Variants in PLEKHH2 observed in about 807,000 individuals in gnomAD.
PLEKHH2 encodes pleckstrin homology domain-containing family H member 2.
In PLEKHH2, 129 loss-of-function variants were observed where a neutral mutation model predicts 187.9. The ratio of observed to expected loss-of-function variants is 0.69; its 90% CI spans 0.59 to 0.79. PLEKHH2 has a LOEUF of 0.79. PLEKHH2 is among the 30% of genes least tolerant of loss of function. The probability of loss-of-function intolerance (pLI) is 0.00; values close to 1 mark genes in which losing one functional copy is unlikely to be tolerated. For missense variants in PLEKHH2, 2,076 were observed against 1,751.2 expected (o/e 1.19, Z -3.31); for synonymous variants, 686 against 605.6 (o/e 1.13, Z -1.95).
chr2:43,719,429 T>G (rs568825541), intron 15 of PLEKHH2, among the ~76,000 whole-genome samples: 1 of 152,234 alleles, frequency 6.6e-6, no homozygotes, highest in South Asian at 2.1e-4. Context: ...ATTCTTCAGG[T>G]TTTCATCTTC....
chr2:43,746,275 G>A (rs1388858168), intron 24 of PLEKHH2, among the ~76,000 whole-genome samples: 1 of 152,160 alleles, frequency 6.6e-6, no homozygotes, highest in Admixed American at 6.5e-5. Context: ...AGGCCAAGGT[G>A]GGCAGATCAC....
At chr2:43,656,363 A>G (rs772486487) in intron 2 of PLEKHH2, among the ~76,000 whole-genome samples, 7 of 152,232 alleles carry the variant, frequency 4.6e-5, no homozygotes, top group Non-Finnish European at 7.3e-5. Flanking sequence ...ATGGAAAGTT[A>G]GGAAAAGCTC....
chr2:43,710,141 T>C lies in PLEKHH2; in HGVS notation c.2103+15T>C, dbSNP rs1206867910. The C allele has an allele frequency of 2.5e-6, 4 of 1,610,360 alleles. No individual in the cohort carries two copies. Among genetic ancestry groups the C allele is most frequent in the Middle Eastern group, 3.3e-4 (2 of 6,028 alleles). On this transcript the variant is annotated intron_variant, in intron 12 of 29. Transcript: ENST00000282406. ...ATGGGAAAAATGTAAATATTGAATA[T>C]GATTTTTAAAAAGCAGTCAGTCAGA... is the stretch of plus-strand genomic sequence containing the variant.
At chr2:43,732,380 C>G (rs1249862828) in intron 19 of PLEKHH2, among the ~76,000 whole-genome samples, 1 of 151,890 alleles carries the variant, frequency 6.6e-6, no homozygotes, top group African/African-American at 2.4e-5. Context: ...AAAAAATTAT[C>G]AAAGAATTTT....
At chr2:43,738,571 C>A in intron 20 of PLEKHH2, 51 bp downstream of exon 20, 2 of 1,399,486 alleles carry the variant, frequency 1.4e-6, no homozygotes, top group South Asian at 2.9e-5. Context: ...GTTTTTTTTT[C>A]TGATTGTAAG....
intron 24 of PLEKHH2, among the ~76,000 whole-genome samples, chr2:43,749,050 CCCAGCCA>C (rs1671903440): frequency 6.6e-6 from 1 of 152,204 alleles, no homozygotes; most frequent in Non-Finnish European, 1.5e-5. Flanking sequence ...AGCCACTGCG[CCCAGCCA>C]AGACTATTCC....
intron 1 of PLEKHH2, among the ~76,000 whole-genome samples, chr2:43,641,742 GA>G (rs1665941112): frequency 6.6e-6 from 1 of 152,094 alleles, no homozygotes; most frequent in Non-Finnish European, 1.5e-5. Context: ...ATCATCTGTT[GA>G]AAAGACTATT....
At chr2:43,697,419 A>G in intron 7 of PLEKHH2, 63 bp downstream of exon 7, 2 of 1,334,428 alleles carry the variant, frequency 1.5e-6, no homozygotes, top group Non-Finnish European at 2.1e-6. Context: ...ATTTGCTAAG[A>G]TTAATCCAAA....
chr2:43,668,187 C>T (rs1667317271), intron 2 of PLEKHH2, among the ~76,000 whole-genome samples: 1 of 152,080 alleles, frequency 6.6e-6, no homozygotes, highest in South Asian at 2.1e-4. Context: ...CTCCCACCAC[C>T]ACTCCTGGCT....
At position 43,695,185 on chromosome 2, in the gene PLEKHH2, C is replaced by A. The variant is rs1669026481; in HGVS notation, c.463C>A (p.Gln155Lys). ...GAATCTTCGTTTGATCAACCAAAAC[C>A]AAACTGAAGAGATAAGAACAATGCA... ...NQNLRLINQN[Q>K]TEEIRTMQSK... Residue 155 changes from glutamine (Q) to lysine (K), a missense_variant, in exon 6 of 30, where the codon CAA becomes AAA. Coordinates refer to ENST00000282406, the MANE Select transcript of PLEKHH2 (RefSeq NM_172069.4). 2 of 1,599,058 alleles carry A rather than the reference C, an allele frequency of 1.3e-6. No individual in the cohort carries two copies. The highest frequency in any genetic ancestry group is 2.3e-5 in the South Asian group (2 of 88,328).
intron 24 of PLEKHH2, among the ~76,000 whole-genome samples, chr2:43,751,913 T>C (rs1010034664): frequency 3.3e-5 from 5 of 150,474 alleles, no homozygotes; most frequent in Non-Finnish European, 1.5e-5. Context: ...CAGTATTGTT[T>C]CTCTCTCTCT....
intron 21 of PLEKHH2, 95 bp downstream of exon 21, chr2:43,741,138 GA>G: frequency 8.9e-7 from 1 of 1,124,570 alleles, no homozygotes; most frequent in East Asian, 2.7e-5. Flanking sequence ...TACATTTTCA[GA>G]AGAATGTATG....
intron 8 of PLEKHH2, among the ~76,000 whole-genome samples, chr2:43,700,873 C>T (rs1450866564): frequency 2.0e-5 from 3 of 152,160 alleles, no homozygotes; most frequent in Admixed American, 6.5e-5. Flanking sequence ...TGGTCTTGAA[C>T]TCCTGACCTC....
At chr2:43,678,381 C>A (rs189659049) in intron 2 of PLEKHH2, among the ~76,000 whole-genome samples, 3 of 152,038 alleles carry the variant, frequency 2.0e-5, no homozygotes, top group African/African-American at 7.2e-5. Flanking sequence ...GAGGTTGTAG[C>A]GAGCCGAGAT....
chr2:43,747,389 G>A (rs577139123), intron 24 of PLEKHH2, among the ~76,000 whole-genome samples: 8 of 152,224 alleles, frequency 5.3e-5, no homozygotes, highest in African/African-American at 1.7e-4. Flanking sequence ...GCTTCTTTGA[G>A]GAAATGATGT....
intron 3 of PLEKHH2, among the ~76,000 whole-genome samples, chr2:43,681,911 T>A (rs568575856): frequency 3.0e-4 from 46 of 152,332 alleles, no homozygotes; most frequent in African/African-American, 1.1e-3. Context: ...TTTGATTTTT[T>A]TAATTATGCT....
At chr2:43,757,957 T>A (rs1273295823) in intron 26 of PLEKHH2, among the ~76,000 whole-genome samples, 2 of 152,178 alleles carry the variant, frequency 1.3e-5, no homozygotes, top group Non-Finnish European at 2.9e-5. Context: ...AAATAAACTA[T>A]CTTCTTACAA....
At chr2:43,714,146 CA>C (rs1464589821) in intron 15 of PLEKHH2, among the ~76,000 whole-genome samples, 1 of 152,144 alleles carries the variant, frequency 6.6e-6, no homozygotes, top group Non-Finnish European at 1.5e-5. Context: ...ATATGCATAT[CA>C]AACCCTGAGA....
intron 2 of PLEKHH2, among the ~76,000 whole-genome samples, chr2:43,653,946 G>A (rs555470580): frequency 4.6e-5 from 7 of 152,266 alleles, no homozygotes; most frequent in Admixed American, 1.3e-4. Context: ...TTTAACCAAA[G>A]GTAAGATATA....
Sources: gnomAD v4.1 joint callset for allele counts (sites outside exome capture counted in the v4.1 genomes callset) on GRCh38, gnomAD v4.1.1 for gene constraint, MANE v1.5 for transcripts, NCBI Gene and HGNC (gene_info 2026-07-23, HGNC 2026-07-21) for gene names.